CNTNAP4: variants seen among roughly 807,000 people sequenced by gnomAD.
The protein encoded by CNTNAP4 is contactin-associated protein-like 4.
A neutral mutation model predicts 148.4 loss-of-function variants in CNTNAP4; 98 were observed. That is an observed-to-expected ratio of 0.66 (90% CI 0.56 to 0.78). The LOEUF (loss-of-function observed/expected upper bound fraction) is 0.78, where lower values mean the gene tolerates loss of function less well. CNTNAP4 is among the 30% of genes least tolerant of loss of function. CNTNAP4 has a pLI of 0.00. For synonymous variants in CNTNAP4, 730 were observed against 565.1 expected (o/e 1.29, Z -4.14); for missense variants, 1,935 against 1,565.6 (o/e 1.24, Z -3.98).
intron 21 of CNTNAP4, 122 bp from the exon 22 acceptor site, chr16:76,553,160 TA>T: frequency 1.7e-6 from 1 of 591,568 alleles, no homozygotes; most frequent in South Asian, 2.6e-5. Flanking sequence ...TTAGTAAAGA[TA>T]AAATTAAAAA....
At chr16:76,502,303 A>G (rs893501860) in intron 15 of CNTNAP4, among the ~76,000 whole-genome samples, 1 of 152,056 alleles carries the variant, frequency 6.6e-6, no homozygotes, top group African/African-American at 2.4e-5. Flanking sequence ...CAGTGGCTTC[A>G]GAACAGCGAA....
chr16:76,402,475 A>T (rs12919402), intron 3 of CNTNAP4, among the ~76,000 whole-genome samples: 53,035 of 151,356 alleles, frequency 0.35, 9,862 homozygotes, highest in Middle Eastern at 0.48. Flanking sequence ...TATCTTATCA[A>T]TTTTTATTAT....
chr16:76,329,035 A>G (rs146884805), intron 2 of CNTNAP4, among the ~76,000 whole-genome samples: 109 of 152,346 alleles, frequency 7.2e-4, no homozygotes, highest in Middle Eastern at 3.4e-3. Context: ...AAGTATTTTA[A>G]AATAAAAAGT....
Position 76,493,488 on chromosome 16 carries a change from A to AC in CNTNAP4, c.2081-1422_2081-1421insC, listed in dbSNP as rs1555575520. Among the ~76,000 whole-genome samples, 24 of 151,464 alleles carry AC rather than the reference A, an allele frequency of 1.6e-4. No homozygotes were observed. The South Asian group carries it at 4.8e-3, about 30-fold the overall frequency. ...CCTTTACTTATTTAAATTCCTTAGT[A>AC]TTTTTTTTAAAGTCTTGGATTGAAC... is the stretch of plus-strand genomic sequence containing the variant. On this transcript the variant is annotated intron_variant, in intron 13 of 23. Coordinates refer to ENST00000611870, the MANE Select transcript of CNTNAP4 (RefSeq NM_033401.5).
At chr16:76,394,503 A>G (rs993145375) in intron 3 of CNTNAP4, among the ~76,000 whole-genome samples, 11 of 152,222 alleles carry the variant, frequency 7.2e-5, no homozygotes, top group African/African-American at 2.4e-4. Context: ...AATACATGAC[A>G]CAGAAAATAA....
chr16:76,295,307 A>G (rs1349831360), intron 1 of CNTNAP4, among the ~76,000 whole-genome samples: 1 of 152,210 alleles, frequency 6.6e-6, no homozygotes, highest in Non-Finnish European at 1.5e-5. Flanking sequence ...AAGGACAAAA[A>G]TGTTCAGAAG....
At chr16:76,356,155 A>G (rs1482746231) in intron 3 of CNTNAP4, among the ~76,000 whole-genome samples, 1 of 152,132 alleles carries the variant, frequency 6.6e-6, no homozygotes, top group East Asian at 1.9e-4. Context: ...GATTATAGGC[A>G]TGAGCCACTG....
chr16:76,497,637 T>C (rs948255266), intron 14 of CNTNAP4, among the ~76,000 whole-genome samples: 4 of 148,552 alleles, frequency 2.7e-5, no homozygotes, highest in Non-Finnish European at 5.9e-5. Flanking sequence ...TAAGGGGGAG[T>C]TGAACAATGA....
At position 76,480,611 on chromosome 16, in the gene CNTNAP4, G is replaced by A. The variant is rs143379169; in HGVS notation, c.1882+1073G>A. Among the ~76,000 whole-genome samples, 1,237 of 152,150 alleles carry A rather than the reference G, an allele frequency of 8.1e-3. 4 individuals are homozygous for A. The highest frequency in any genetic ancestry group is 0.013 in the Non-Finnish European group (856 of 67,998). Reference sequence around the variant, plus strand: ...AAATTAGCTGGGCATGGTGGCATGCGCTTGCAGTCCCAGCTACTCAGGAGG... The same window carrying A: ...AAATTAGCTGGGCATGGTGGCATGCACTTGCAGTCCCAGCTACTCAGGAGG... On this transcript the variant is annotated intron_variant, in intron 12 of 23. Coordinates refer to ENST00000611870, the MANE Select transcript of CNTNAP4 (RefSeq NM_033401.5).
At chr16:76,300,267 C>G (rs1959814999) in intron 1 of CNTNAP4, among the ~76,000 whole-genome samples, 2 of 152,154 alleles carry the variant, frequency 1.3e-5, no homozygotes, top group Admixed American at 1.3e-4. Context: ...AAGCAGATAT[C>G]TTGCCTATCC....
chr16:76,508,907 C>G (rs2082920334), intron 15 of CNTNAP4, among the ~76,000 whole-genome samples: 1 of 94,512 alleles, frequency 1.1e-5, no homozygotes, highest in African/African-American at 2.6e-5. Flanking sequence ...CAACCACCAC[C>G]ACGCCTGGCT....
intron 1 of CNTNAP4, among the ~76,000 whole-genome samples, chr16:76,292,477 A>G (rs1202750130): frequency 6.6e-6 from 1 of 152,148 alleles, no homozygotes; most frequent in African/African-American, 2.4e-5. Context: ...CCTCAGCGGC[A>G]TTACCAATCT....
intron 3 of CNTNAP4, among the ~76,000 whole-genome samples, chr16:76,372,264 C>T (rs180870646): frequency 1.1e-4 from 16 of 151,298 alleles, no homozygotes; most frequent in African/African-American, 3.6e-4. Flanking sequence ...CTCAGCCTCC[C>T]GAGTACCTGG....
intron 1 of CNTNAP4, among the ~76,000 whole-genome samples, chr16:76,284,162 A>G (rs9929805): frequency 0.022 from 3,297 of 152,106 alleles, 107 homozygotes; most frequent in African/African-American, 0.058. Flanking sequence ...ATGATAGGGA[A>G]GGGTTGACCC....
chr16:76,520,203 C>T lies in CNTNAP4; in HGVS notation c.2366-937C>T, dbSNP rs1489843352. ...TACAGAGTTTGTTTCTCTGATTTTA[C>T]TCCTCATCAACCTCCTGTATCCAGT... On this transcript the variant is annotated intron_variant, in intron 15 of 23. Coordinates refer to ENST00000611870, the MANE Select transcript of CNTNAP4 (RefSeq NM_033401.5). Among the ~76,000 whole-genome samples, 3 of 150,826 alleles carry T rather than the reference C, an allele frequency of 2.0e-5. No homozygotes were observed. In the East Asian group the frequency reaches 5.8e-4, roughly 29 times the overall value.
intron 2 of CNTNAP4, among the ~76,000 whole-genome samples, chr16:76,335,749 C>G (rs569571119): frequency 6.6e-6 from 1 of 152,212 alleles, no homozygotes; most frequent in African/African-American, 2.4e-5. Context: ...GACAAGAACC[C>G]CTTATCAGCC....
At chr16:76,481,853 A>T (rs930450338) in intron 12 of CNTNAP4, among the ~76,000 whole-genome samples, 1 of 152,102 alleles carries the variant, frequency 6.6e-6, no homozygotes, top group Non-Finnish European at 1.5e-5. Flanking sequence ...CAAACCTAGG[A>T]TAGCGGGAGT....
intron 1 of CNTNAP4, among the ~76,000 whole-genome samples, chr16:76,292,305 C>T (rs1959147299): frequency 6.6e-6 from 1 of 152,174 alleles, no homozygotes; most frequent in Non-Finnish European, 1.5e-5. Flanking sequence ...AAAGATAATT[C>T]CTTGCCTCTT....
chr16:76,386,030 AG>A (rs1456570001), intron 3 of CNTNAP4, among the ~76,000 whole-genome samples: 1 of 152,230 alleles, frequency 6.6e-6, no homozygotes, highest in Non-Finnish European at 1.5e-5. Context: ...ACAGGAAGGC[AG>A]AGTGCCACCT....
Sources: allele counts gnomAD v4.1 joint callset (sites outside exome capture counted in the v4.1 genomes callset), GRCh38; gene constraint gnomAD v4.1.1; transcripts MANE v1.5; gene names NCBI Gene and HGNC (gene_info 2026-07-23, HGNC 2026-07-21).